Variants in TBX20 observed in about 807,000 individuals in gnomAD.
The protein encoded by TBX20 is T-box transcription factor 20.
In TBX20, 8 loss-of-function variants were observed where a neutral mutation model predicts 42.9. The ratio of observed to expected loss-of-function variants is 0.19; its 90% CI spans 0.11 to 0.34. TBX20 has a LOEUF of 0.34. Among genes scored for constraint, TBX20 ranks in the 10% least tolerant of loss-of-function variants. The pLI is 1.00. For synonymous variants in TBX20, 198 were observed against 222.8 expected, an observed-to-expected ratio of 0.89 and a Z score of 0.99; for missense variants, 411 against 566.0, an observed-to-expected ratio of 0.73 and a Z score of 2.78.
intron 5 of TBX20, among the ~76,000 whole-genome samples, chr7:35,239,253 T>C (rs1189706364): frequency 6.6e-6 from 1 of 152,132 alleles, no homozygotes; most frequent in African/African-American, 2.4e-5. Context: ...ATCTTGCCTT[T>C]CCCGAGGGTC....
chr7:35,202,937 T>C (rs189598333), intron 7 of TBX20, among the ~76,000 whole-genome samples, 167 bp from the exon 8 acceptor site: 30 of 152,242 alleles, frequency 2.0e-4, no homozygotes, highest in African/African-American at 7.2e-4. Flanking sequence ...CTTTTCTAGG[T>C]AAGAAGATGA....
intron 6 of TBX20, 30 bp from the exon 7 acceptor site, chr7:35,204,612 G>A (rs113178075): frequency 8.5e-6 from 13 of 1,531,862 alleles, no homozygotes; most frequent in African/African-American, 1.4e-5. Context: ...CACAGGTTAA[G>A]TAAAATGTAA....
chr7:35,229,224 T>C (rs1468453041), intron 6 of TBX20, among the ~76,000 whole-genome samples: 2 of 152,164 alleles, frequency 1.3e-5, no homozygotes, highest in Non-Finnish European at 2.9e-5. Context: ...AAATATGTGT[T>C]TTTCTCTCAG....
intron 6 of TBX20, 148 bp from the exon 7 acceptor site, chr7:35,204,730 A>T: frequency 1.5e-6 from 1 of 688,716 alleles, no homozygotes; most frequent in Non-Finnish European, 2.6e-6. Context: ...CAAAACATGT[A>T]CATTTATTCT....
Position 35,244,950 on chromosome 7 carries a change from T to C in TBX20, c.653A>G (p.His218Arg), listed in dbSNP as rs1790151190. The change falls in exon 4 of 8, where the codon CAT (histidine) becomes CGT (arginine). Residue 218 changes from histidine (H) to arginine (R), a missense_variant and splice_region_variant. His to Arg is a conservative substitution (Grantham distance 29). Transcript: ENST00000408931. ...LTNNELDQHGHIILNSMHKYQ... is the reference protein window; with the variant it reads ...LTNNELDQHGRIILNSMHKYQ... ...CACAGTCCAAGGCATGGTACTTACATGGCCATGTTGATCCAGTTCATTGTT... is the reference window on the plus strand; with the variant it reads ...CACAGTCCAAGGCATGGTACTTACACGGCCATGTTGATCCAGTTCATTGTT... The C allele has an allele frequency of 6.2e-7, 1 of 1,610,538 alleles. No homozygotes were observed. The highest frequency in any genetic ancestry group is 8.5e-7 in the Non-Finnish European group (1 of 1,176,806).
At chr7:35,250,539 T>C (rs1790286255) in intron 1 of TBX20, among the ~76,000 whole-genome samples, 1 of 152,222 alleles carries the variant, frequency 6.6e-6, no homozygotes, top group Non-Finnish European at 1.5e-5. Context: ...ATTCCTATTG[T>C]CACCCCTCCC....
intron 7 of TBX20, among the ~76,000 whole-genome samples, chr7:35,203,680 T>C (rs1288544321): frequency 2.0e-5 from 3 of 152,224 alleles, no homozygotes; most frequent in Non-Finnish European, 4.4e-5. Flanking sequence ...AGTGAAAAGT[T>C]ATATGCACGT....
chr7:35,226,490 GA>G (rs1405658278), intron 6 of TBX20, among the ~76,000 whole-genome samples: 2 of 151,548 alleles, frequency 1.3e-5, no homozygotes, highest in African/African-American at 4.8e-5. Flanking sequence ...TGGCAAAGAT[GA>G]AAAGACAACG....
At chr7:35,250,654 C>T (rs766936869) in intron 1 of TBX20, among the ~76,000 whole-genome samples, 5 of 152,142 alleles carry the variant, frequency 3.3e-5, no homozygotes, top group Non-Finnish European at 7.3e-5. Flanking sequence ...AGATCAGCAC[C>T]TTCCTCACCT....
At chr7:35,229,096 T>C (rs1282548011) in intron 6 of TBX20, among the ~76,000 whole-genome samples, 1 of 152,202 alleles carries the variant, frequency 6.6e-6, no homozygotes, top group Non-Finnish European at 1.5e-5. Flanking sequence ...TTTGTTTGGG[T>C]GTCCCACACA....
chr7:35,225,601 G>A (rs1789756396), intron 6 of TBX20, among the ~76,000 whole-genome samples: 1 of 152,198 alleles, frequency 6.6e-6, no homozygotes, highest in Admixed American at 6.5e-5. Flanking sequence ...AAATGGCAAA[G>A]TGCTACATAA....
chr7:35,214,905 C>T (rs1013082226), intron 6 of TBX20, among the ~76,000 whole-genome samples: 1 of 152,110 alleles, frequency 6.6e-6, no homozygotes, highest in African/African-American at 2.4e-5. Flanking sequence ...TGTCCATGGG[C>T]CCAAATTCTG....
At chr7:35,227,079 AG>A (rs1789785037) in intron 6 of TBX20, among the ~76,000 whole-genome samples, 1 of 151,342 alleles carries the variant, frequency 6.6e-6, no homozygotes. Context: ...ATGTTTAAAA[AG>A]TAAAAAAAAA....
intron 6 of TBX20, among the ~76,000 whole-genome samples, chr7:35,227,530 C>T (rs1789795843): frequency 6.6e-6 from 1 of 152,088 alleles, no homozygotes; most frequent in African/African-American, 2.4e-5. Context: ...TTACAGTATT[C>T]AGTACAGTAA....
At chr7:35,219,146 C>G (rs1366101163) in intron 6 of TBX20, among the ~76,000 whole-genome samples, 1 of 152,180 alleles carries the variant, frequency 6.6e-6, no homozygotes, top group East Asian at 1.9e-4. Context: ...CTGTCCTCCT[C>G]TATCTCAGAA....
chr7:35,216,033 ATCC>A (rs1789583661), intron 6 of TBX20, among the ~76,000 whole-genome samples: 1 of 151,916 alleles, frequency 6.6e-6, no homozygotes, highest in African/African-American at 2.4e-5. Flanking sequence ...TCCTAATACA[ATCC>A]TCCTTTACTG....
At chr7:35,244,063 T>C (rs1329958238) in intron 4 of TBX20, among the ~76,000 whole-genome samples, 3 of 152,224 alleles carry the variant, frequency 2.0e-5, no homozygotes, top group Non-Finnish European at 4.4e-5. Flanking sequence ...TGTATCCAAA[T>C]ATCACATGTA....
At chr7:35,250,391 T>C (rs774926437) in intron 1 of TBX20, among the ~76,000 whole-genome samples, 188 bp from the exon 2 acceptor site, 1 of 152,236 alleles carries the variant, frequency 6.6e-6, no homozygotes, top group Non-Finnish European at 1.5e-5. Context: ...CGGAGTAGCA[T>C]GCCCAGTGTT....
intron 5 of TBX20, among the ~76,000 whole-genome samples, chr7:35,234,906 T>C (rs1171090256): frequency 2.0e-5 from 3 of 152,110 alleles, no homozygotes; most frequent in Non-Finnish European, 4.4e-5. Flanking sequence ...ACAGAGATTG[T>C]GGATTAAACT....
Sources: allele counts gnomAD v4.1 joint callset (sites outside exome capture counted in the v4.1 genomes callset), GRCh38; gene constraint gnomAD v4.1.1; transcripts MANE v1.5; gene names NCBI Gene and HGNC (gene_info 2026-07-23, HGNC 2026-07-21).